Variants in TRRAP observed in about 807,000 individuals in gnomAD.
TRRAP encodes transformation/transcription domain associated protein.
Under a neutral mutation model 438.8 loss-of-function variants are expected in TRRAP, and 41 were observed. That is an observed-to-expected ratio of 0.09 (90% CI 0.07 to 0.12). The LOEUF (loss-of-function observed/expected upper bound fraction) is 0.12. Ranked by LOEUF, TRRAP falls within the 10% of genes least tolerant of loss-of-function variation. The pLI is 1.00. For synonymous variants in TRRAP, 1,994 were observed against 1,962.9 expected (o/e 1.02, Z -0.42); for missense variants, 3,122 against 5,055.1 (o/e 0.62, Z 11.60).
intron 18 of TRRAP, among the ~76,000 whole-genome samples, chr7:98,912,692 A>G (rs1243517887): frequency 6.6e-6 from 1 of 152,132 alleles, no homozygotes; most frequent in Non-Finnish European, 1.5e-5. Context: ...TAAAAATTTC[A>G]GTGATGCAAA....
At chr7:98,986,989 C>T (rs1201765549) in intron 62 of TRRAP, among the ~76,000 whole-genome samples, 1 of 152,104 alleles carries the variant, frequency 6.6e-6, no homozygotes, top group Non-Finnish European at 1.5e-5. Context: ...ACACCCTCAT[C>T]AAAAATCAGT....
rs183276889 is a variant in TRRAP, at chr7:99,011,594, G to A, written c.11337+59G>A. ...GCTAGAGCCACTCAGATGCCCGCGC[G>A]TCACGGCCTTGCAGGAGCTGCTGAT... On this transcript the variant is annotated intron_variant, in intron 72 of 72. Coordinates refer to ENST00000456197, the MANE Select transcript of TRRAP (RefSeq NM_001375524.1). This position sits in a 1 kb window ranked among gnomAD's most constrained non-coding sequence, Gnocchi z 7.1. 23 of 1,558,404 alleles carry A rather than the reference G, an allele frequency of 1.5e-5. No homozygotes were observed. The highest frequency in any genetic ancestry group is 1.1e-4 in the Admixed American group (6 of 53,194).
At chr7:98,988,114 T>C (rs1211866336) in intron 62 of TRRAP, among the ~76,000 whole-genome samples, 1 of 152,228 alleles carries the variant, frequency 6.6e-6, no homozygotes, top group Non-Finnish European at 1.5e-5. Context: ...GTCGAGGATG[T>C]TTGCGTCTGT....
intron 45 of TRRAP, among the ~76,000 whole-genome samples, chr7:98,960,791 A>G (rs1402261059): frequency 7.6e-6 from 1 of 131,426 alleles, no homozygotes; most frequent in African/African-American, 2.8e-5. Context: ...GTGTGTGTGT[A>G]TTTTTAGTAG....
At chr7:98,903,826 C>T (rs185156892) in intron 12 of TRRAP, among the ~76,000 whole-genome samples, 1 of 152,122 alleles carries the variant, frequency 6.6e-6, no homozygotes, top group Non-Finnish European at 1.5e-5. Context: ...ACGAGCAAGT[C>T]ACATCTTACG....
chr7:98,952,950 G>GT (rs1258635092), intron 39 of TRRAP, among the ~76,000 whole-genome samples: 3 of 150,842 alleles, frequency 2.0e-5, no homozygotes, highest in African/African-American at 7.3e-5. Flanking sequence ...GGGTCCTGGG[G>GT]TTTTTTTCTC....
At position 98,908,508 on chromosome 7, in the gene TRRAP, GT is replaced by G. The variant is rs1796895155; in HGVS notation, c.1116-218del. ...TTAGTAACTTTATGACGTGCACAAA[GT>G]TAACCTTTTAGCTTGGAAGGTAAAG... On this transcript the variant is annotated intron_variant, in intron 13 of 72. Coordinates refer to ENST00000456197, the MANE Select transcript of TRRAP (RefSeq NM_001375524.1). This position sits in a 1 kb window ranked among gnomAD's most constrained non-coding sequence, Gnocchi z 4.1. Among the ~76,000 whole-genome samples the G allele has an allele frequency of 6.6e-6, 1 of 152,172 alleles. No individual in the cohort carries two copies. The highest frequency in any genetic ancestry group is 1.5e-5 in the Non-Finnish European group (1 of 68,034).
At position 98,910,213 on chromosome 7, in the gene TRRAP, T is replaced by TTCCTTCCCCCCCCCCCCCCCCCCCCC; in HGVS notation, c.1508_1509insTCCTTCCCCCCCCCCCCCCCCCCCCC (p.Ala505SerfsTer24). 6.5e-7 allele frequency: 1 copy of TTCCTTCCCCCCCCCCCCCCCCCCCCC among 1,538,428 alleles called. No individual in the cohort carries two copies. The highest frequency in any genetic ancestry group is 1.8e-5 in the Admixed American group (1 of 55,654). On this transcript the variant is annotated frameshift_variant, in exon 15 of 73. Coordinates refer to ENST00000456197, the MANE Select transcript of TRRAP (RefSeq NM_001375524.1). LOFTEE classifies it high-confidence loss of function. Reference sequence around the variant, plus strand: ...GGCCCTGCTCCCTCCCCAGCCCCTGTCCCTGCCCCACCTCCACCCCCGCCC... The same window carrying TTCCTTCCCCCCCCCCCCCCCCCCCCC: ...GGCCCTGCTCCCTCCCCAGCCCCTGTTCCTTCCCCCCCCCCCCCCCCCCCCCCCCTGCCCCACCTCCACCCCCGCCC...
At chr7:98,946,529 TCA>T (rs1791072801) in intron 33 of TRRAP, among the ~76,000 whole-genome samples, 1 of 127,132 alleles carries the variant, frequency 7.9e-6, no homozygotes, top group Admixed American at 7.9e-5. Context: ...ACCAGTGCAC[TCA>T]CAACATACAT....
chr7:99,010,919 G>A lies in TRRAP; in HGVS notation c.10939-133G>A, dbSNP rs1397064379. Reference sequence around the variant, plus strand: ...CCTTCAGTCTCCTAACAATGCGTGCGTTAAATCTGTCACCAGAATTTACAG... The same window carrying A: ...CCTTCAGTCTCCTAACAATGCGTGCATTAAATCTGTCACCAGAATTTACAG... On this transcript the variant is annotated intron_variant, in intron 70 of 72. Transcript: ENST00000456197. The A allele has an allele frequency of 3.3e-5, 31 of 949,960 alleles. No homozygotes were observed. In the Admixed American group the frequency reaches 3.5e-4, roughly 11 times the overall value. The allele number at this position is 949,960 out of a possible 1,614,324, so 58.8% of individuals were successfully genotyped here.
In TRRAP at chr7:98,959,956, A is replaced by AAAAAG. The variant is rs1458533985; in HGVS notation, c.6489+480_6489+484dup. Among the ~76,000 whole-genome samples, 58 of 120,522 alleles carry AAAAAG rather than the reference A, an allele frequency of 4.8e-4. 1 individual carries two copies. The highest frequency in any genetic ancestry group is 1.8e-3 in the African/African-American group (54 of 30,396). 79.1% of individuals were successfully genotyped at this position (120,522 alleles called of 152,430 possible). A position where few individuals can be genotyped will look rare whatever the true frequency, so the allele number is the denominator to read the frequency against. On this transcript the variant is annotated intron_variant, in intron 45 of 72. Transcript: ENST00000456197. ...TCTCTTAAAAAAAAAAAAAAAAAAG[A>AAAAAG]AAAAGAAAAGAAAAGAAAGAATGGC... is the stretch of plus-strand genomic sequence containing the variant.
intron 65 of TRRAP, 147 bp from the exon 66 acceptor site, chr7:98,993,391 C>A: frequency 1.2e-6 from 1 of 841,104 alleles, no homozygotes; most frequent in Non-Finnish European, 1.8e-6. Flanking sequence ...AGGGCCTTCT[C>A]CCACGCAGTC....
intron 62 of TRRAP, among the ~76,000 whole-genome samples, chr7:98,988,526 T>C (rs1660752210): frequency 6.6e-6 from 1 of 152,104 alleles, no homozygotes; most frequent in African/African-American, 2.4e-5. Context: ...ACATGGTGTA[T>C]GATTCAATTT....
At position 98,943,079 on chromosome 7, in the gene TRRAP, C is replaced by T. The variant is rs1464578579; in HGVS notation, c.4473+62C>T. On this transcript the variant is annotated intron_variant, in intron 31 of 72. Coordinates refer to ENST00000456197, the MANE Select transcript of TRRAP (RefSeq NM_001375524.1). ...CGCCATGCTGGGTCAGTGCTAATGC[C>T]GGGACAGTGCTTTCATTAAAATGCC... 21 of 1,557,118 alleles carry T rather than the reference C, an allele frequency of 1.3e-5. No individual in the cohort carries two copies. The African/African-American group carries it at 1.6e-4, about 12-fold the overall frequency.
chr7:98,950,079 T>C lies in TRRAP; in HGVS notation c.5151T>C (p.Asp1717=), dbSNP rs782549203. 5 of 1,614,274 alleles carry C rather than the reference T, an allele frequency of 3.1e-6. No individual in the cohort carries two copies. The highest frequency in any genetic ancestry group is 4.2e-6 in the Non-Finnish European group (5 of 1,180,044). ...LLNYCKRNYG[D]IELLFQLLRA... The stretch of plus-strand genomic sequence containing the variant: ...GACCCTCCAGAAGGAATTACGGAGA[T>C]ATAGAATTGCTGTTCCAGCTGCTCC... Residue 1717 remains aspartate, a synonymous_variant, in exon 38 of 73, where the codon GAT becomes GAC. Transcript: ENST00000456197.
In TRRAP at chr7:99,013,015, CTT is replaced by C. The variant is rs759100043; in HGVS notation, c.*664_*665del. 5.9e-5 allele frequency: 9 copies of C among 152,240 alleles called. No individual in the cohort carries two copies. The highest frequency in any genetic ancestry group is 1.3e-4 in the Non-Finnish European group (9 of 68,048). The allele number at this position is 152,240 out of a possible 1,614,324, so 9.4% of individuals were successfully genotyped here. On this transcript the variant is annotated 3_prime_UTR_variant, in exon 73 of 73. Transcript: ENST00000456197. Reference sequence around the variant, plus strand: ...TGAGAGTCTGCAGGCGGCTCCTGTGCTTTTTATTTCTGGCTCTTCGGATGTCT... The same window carrying C: ...TGAGAGTCTGCAGGCGGCTCCTGTGCTTTATTTCTGGCTCTTCGGATGTCT...
intron 63 of TRRAP, among the ~76,000 whole-genome samples, chr7:98,989,707 G>T (rs577914708): frequency 6.6e-6 from 1 of 152,260 alleles, no homozygotes; most frequent in African/African-American, 2.4e-5. Context: ...ACACCCAGAT[G>T]TAATTGTTTC....
intron 53 of TRRAP, among the ~76,000 whole-genome samples, chr7:98,973,043 A>G (rs984271254): frequency 1.1e-4 from 16 of 152,116 alleles, no homozygotes; most frequent in Non-Finnish European, 7.4e-5. Context: ...ATAGTGGTGC[A>G]ATCTCGGCTC....
chr7:98,881,789 G>A, intron 2 of TRRAP, 186 bp from the exon 3 acceptor site: 7 of 577,940 alleles, frequency 1.2e-5, no homozygotes, highest in South Asian at 4.4e-5. Flanking sequence ...GCATGCACGT[G>A]TATGTCTGGG....
Sources: allele counts gnomAD v4.1 joint callset (sites outside exome capture counted in the v4.1 genomes callset), GRCh38; gene constraint gnomAD v4.1.1; non-coding constraint Gnocchi (gnomAD v3.1); transcripts MANE v1.5; gene names NCBI Gene and HGNC (gene_info 2026-07-23, HGNC 2026-07-21).